TGFBR2: variants seen among roughly 807,000 people sequenced by gnomAD.
TGFBR2 encodes the protein TGF-beta receptor type-2.
TGFBR2 carries 18 observed loss-of-function variants against 49.0 expected under a neutral mutation model. The observed-to-expected ratio is 0.37, with a 90% confidence interval of 0.25 to 0.54. TGFBR2 has a LOEUF of 0.54. Among genes scored for constraint, TGFBR2 ranks in the 20% least tolerant of loss-of-function variants. The probability of loss-of-function intolerance (pLI) is 0.85; values close to 1 mark genes in which losing one functional copy is unlikely to be tolerated. For synonymous variants in TGFBR2, 282 were observed against 275.9 expected, an observed-to-expected ratio of 1.02 and a Z score of -0.22; for missense variants, 525 against 722.6, an observed-to-expected ratio of 0.73 and a Z score of 3.13.
rs1021161029 is a variant in TGFBR2, at chr3:30,692,352, C to T, written c.*753C>T. Reference sequence around the variant, plus strand: ...GGCTAGTTTAGAAACTCTCCCTCAACCTAGTTTAGAAACTCTACCCCATCT... The same window carrying T: ...GGCTAGTTTAGAAACTCTCCCTCAATCTAGTTTAGAAACTCTACCCCATCT... On this transcript the variant is annotated 3_prime_UTR_variant, in exon 7 of 7. Coordinates refer to ENST00000295754, the MANE Select transcript of TGFBR2 (RefSeq NM_003242.6). The T allele has an allele frequency of 6.5e-5, 15 of 230,314 alleles. No homozygotes were observed. The highest frequency in any genetic ancestry group is 1.0e-4 in the Non-Finnish European group (12 of 116,228). The allele number at this position is 230,314 out of a possible 1,614,324, so 14.3% of individuals were successfully genotyped here.
At position 30,676,912 on chromosome 3, in the gene TGFBR2, AG is replaced by A. The variant is rs567621092; in HGVS notation, c.1396+2667del. ...TTGCACAGTGAAATTTGTTTAACCA[AG>A]TTTCAGCCACTGAGAATAATTTTAT... On this transcript the variant is annotated intron_variant, in intron 5 of 6. Coordinates refer to ENST00000295754, the MANE Select transcript of TGFBR2 (RefSeq NM_003242.6). This position sits in a 1 kb window ranked among gnomAD's most constrained non-coding sequence, Gnocchi z 4.3. Among the ~76,000 whole-genome samples, 12 of 152,352 alleles carry A rather than the reference AG, an allele frequency of 7.9e-5. No individual in the cohort carries two copies. In the East Asian group the frequency reaches 1.9e-3, roughly 24 times the overall value.
intron 1 of TGFBR2, among the ~76,000 whole-genome samples, chr3:30,635,297 G>A (rs766292300): frequency 1.3e-5 from 2 of 152,150 alleles, no homozygotes; most frequent in Non-Finnish European, 2.9e-5. Flanking sequence ...TTTGTCTCCT[G>A]TTATGTGGCC....
At position 30,671,888 on chromosome 3, in the gene TGFBR2, C is replaced by T. The variant is rs1699345595; in HGVS notation, c.705C>T (p.Ile235=). Residue 235 remains isoleucine, a synonymous_variant, in exon 4 of 7, where the codon ATC becomes ATT. Coordinates refer to ENST00000295754, the MANE Select transcript of TGFBR2 (RefSeq NM_003242.6). The part of the protein sequence containing the change: ...SDISSTCANN[I]NHNTELLPIE... ...TCAGCTCCACGTGTGCCAACAACAT[C>T]AACCACAACACAGAGCTGCTGCCCA... The T allele has an allele frequency of 1.9e-6, 3 of 1,614,112 alleles. No individual in the cohort carries two copies. In the African/African-American group the frequency reaches 4.0e-5, roughly 22 times the overall value.
chr3:30,608,005 A>G lies in TGFBR2; in HGVS notation c.94+1028A>G, dbSNP rs1349424434. Among the ~76,000 whole-genome samples the G allele has an allele frequency of 2.6e-5, 4 of 151,316 alleles. No homozygotes were observed. In the East Asian group the frequency reaches 7.8e-4, roughly 29 times the overall value. ...CACCAGGCTGGAGTGCAGTGGCGCA[A>G]TCTCGGCTCACTGCAACTTTGCCTC... On this transcript the variant is annotated intron_variant, in intron 1 of 6. Transcript: ENST00000295754.
intron 1 of TGFBR2, among the ~76,000 whole-genome samples, chr3:30,639,740 T>C (rs1406454982): frequency 6.6e-6 from 1 of 152,190 alleles, no homozygotes; most frequent in East Asian, 1.9e-4. Context: ...CAAATAAATT[T>C]CTGAGTTTCC....
intron 1 of TGFBR2, among the ~76,000 whole-genome samples, chr3:30,624,135 T>G (rs1698286899): frequency 6.6e-6 from 1 of 151,396 alleles, no homozygotes; most frequent in African/African-American, 2.4e-5. Flanking sequence ...AGACCAAGAT[T>G]CCATCTCAAA....
rs555439156 is a variant in TGFBR2, at chr3:30,680,103, C to A, written c.1396+5857C>A. ...TCGTGCCACTGCACTCTAGCCTGGG[C>A]GACAGAGCGAGACTCCATCCCCCCC... On this transcript the variant is annotated intron_variant, in intron 5 of 6. Transcript: ENST00000295754. 7.9e-5 allele frequency among the ~76,000 whole-genome samples: 12 copies of A among 152,126 alleles called. No homozygotes were observed. The East Asian group carries it at 2.1e-3, about 27-fold the overall frequency.
intron 1 of TGFBR2, among the ~76,000 whole-genome samples, chr3:30,619,865 A>G (rs1698195608): frequency 6.6e-6 from 1 of 152,080 alleles, no homozygotes; most frequent in South Asian, 2.1e-4. Flanking sequence ...TTGTTTGCCA[A>G]GCTACCTGTG....
chr3:30,662,388 G>A (rs1699148719), intron 3 of TGFBR2, among the ~76,000 whole-genome samples: 1 of 152,164 alleles, frequency 6.6e-6, no homozygotes. Flanking sequence ...CTGGGAGAGA[G>A]ATAAGAAGGA....
intron 2 of TGFBR2, among the ~76,000 whole-genome samples, chr3:30,646,769 G>A (rs1698749357): frequency 6.6e-6 from 1 of 152,162 alleles, no homozygotes; most frequent in East Asian, 1.9e-4. Context: ...AATATCTACG[G>A]TGGTGTGAGC....
intron 5 of TGFBR2, among the ~76,000 whole-genome samples, chr3:30,675,933 C>T (rs1327102849): frequency 2.0e-5 from 3 of 152,142 alleles, no homozygotes; most frequent in Admixed American, 1.3e-4. Context: ...TCTAGGATCC[C>T]GCATTGATCT....
chr3:30,678,219 C>A (rs1454013161), intron 5 of TGFBR2, among the ~76,000 whole-genome samples: 1 of 152,082 alleles, frequency 6.6e-6, no homozygotes, highest in African/African-American at 2.4e-5. Context: ...ACCCATCGAG[C>A]CAGCTACCAA....
intron 1 of TGFBR2, among the ~76,000 whole-genome samples, chr3:30,621,555 A>G (rs1202057250): frequency 1.3e-5 from 2 of 152,208 alleles, no homozygotes; most frequent in East Asian, 1.9e-4. Context: ...TGCTGGGATT[A>G]CAGGCATGGG....
chr3:30,655,030 A>C (rs1297348379), intron 3 of TGFBR2, among the ~76,000 whole-genome samples: 2 of 152,194 alleles, frequency 1.3e-5, no homozygotes, highest in Non-Finnish European at 2.9e-5. Flanking sequence ...TAGCTCTGCT[A>C]TGTTGGGCCA....
chr3:30,644,766 C>A lies in TGFBR2; in HGVS notation c.114C>A (p.Val38=), dbSNP rs1698699780. The A allele has an allele frequency of 6.2e-7, 1 of 1,613,968 alleles. No individual in the cohort carries two copies. The highest frequency in any genetic ancestry group is 1.7e-5 in the Admixed American group (1 of 59,988). The part of the protein sequence containing the change: ...VQKSVNNDMI[V]TDNNGAVKFP... The stretch of plus-strand genomic sequence containing the variant: ...CCTCAGTTAATAACGACATGATAGT[C>A]ACTGACAACAACGGTGCAGTCAAGT... Residue 38 remains valine (V), a synonymous_variant, in exon 2 of 7, where the codon GTC becomes GTA. Transcript: ENST00000295754.
chr3:30,612,268 A>G (rs578246799), intron 1 of TGFBR2, among the ~76,000 whole-genome samples: 1 of 152,248 alleles, frequency 6.6e-6, no homozygotes, highest in South Asian at 2.1e-4. Flanking sequence ...TATTTTATGG[A>G]TGGAAAGATG....
chr3:30,669,978 C>CT (rs921620704), intron 3 of TGFBR2, among the ~76,000 whole-genome samples: 99 of 150,148 alleles, frequency 6.6e-4, no homozygotes, highest in African/African-American at 1.4e-3. Flanking sequence ...ATTCTCATCA[C>CT]TTTTTTTTTT....
At chr3:30,650,519 T>G in intron 3 of TGFBR2, 59 bp downstream of exon 3, 1 of 1,575,842 alleles carries the variant, frequency 6.3e-7, no homozygotes, top group Non-Finnish European at 8.7e-7. Context: ...TTTTGTATCC[T>G]TGGTCTGCAG....
chr3:30,635,957 A>G (rs17642463), intron 1 of TGFBR2, among the ~76,000 whole-genome samples: 5,099 of 152,230 alleles, frequency 0.033, 218 homozygotes, highest in Admixed American at 0.12. Context: ...TCATGTTTGC[A>G]TTTAAAGGCA....
Sources: allele counts gnomAD v4.1 joint callset (sites outside exome capture counted in the v4.1 genomes callset), GRCh38; gene constraint gnomAD v4.1.1; non-coding constraint Gnocchi (gnomAD v3.1); transcripts MANE v1.5; gene names NCBI Gene and HGNC (gene_info 2026-07-23, HGNC 2026-07-21).